Variants in IKZF3 observed in about 807,000 individuals in gnomAD.
The protein encoded by IKZF3 is IKAROS family zinc finger 3, also known as zinc finger protein Aiolos.
In IKZF3, 10 loss-of-function variants were observed where a neutral mutation model predicts 49.0. That is an observed-to-expected ratio of 0.20 (90% CI 0.13 to 0.35). IKZF3 has a LOEUF of 0.35. IKZF3 is among the 10% of genes least tolerant of loss of function. The pLI is 1.00. For missense variants in IKZF3, 498 were observed against 664.8 expected (o/e 0.75, Z 2.76); for synonymous variants, 209 against 228.2 (o/e 0.92, Z 0.76).
chr17:39,863,932 G>C (rs1246728795), intron 1 of IKZF3, among the ~76,000 whole-genome samples, 188 bp downstream of exon 1: 2 of 152,212 alleles, frequency 1.3e-5, no homozygotes, highest in African/African-American at 4.8e-5. Flanking sequence ...TTTCCAAAGG[G>C]CGGGGGAAGG....
rs780642029 is a variant in IKZF3, at chr17:39,766,099, G to A, written c.1221C>T (p.Val407=). 8 of 1,614,168 alleles carry A rather than the reference G, an allele frequency of 5.0e-6. No individual in the cohort carries two copies. Among genetic ancestry groups the A allele is most frequent in the Non-Finnish European group, 6.8e-6 (8 of 1,180,022 alleles). The stretch of plus-strand genomic sequence containing the variant: ...GCATCCCATTGCGGGCCCGAGACAG[G>A]ACCATGTGATTTTGCTGATAGATGT... ...QNHIYQQNHM[V]LSRARNGMPL... Residue 407 remains valine, a synonymous_variant, in exon 8 of 8, where the codon GTC becomes GTT. Coordinates refer to ENST00000346872, the MANE Select transcript of IKZF3 (RefSeq NM_012481.5).
intron 1 of IKZF3, among the ~76,000 whole-genome samples, chr17:39,851,936 T>C (rs1424184255): frequency 3.3e-5 from 5 of 151,986 alleles, no homozygotes; most frequent in African/African-American, 1.2e-4. Context: ...ATGATTTTGC[T>C]ACAGAATTTT....
At chr17:39,816,815 A>C (rs566556829) in intron 3 of IKZF3, among the ~76,000 whole-genome samples, 1 of 152,312 alleles carries the variant, frequency 6.6e-6, no homozygotes, top group East Asian at 1.9e-4. Context: ...CCAGGCTCAG[A>C]AGATTCTCCC....
intron 1 of IKZF3, among the ~76,000 whole-genome samples, chr17:39,842,750 T>C (rs2062515185): frequency 6.6e-6 from 1 of 152,196 alleles, no homozygotes; most frequent in Admixed American, 6.5e-5. Context: ...AGATGGGATA[T>C]TTATATAGTT....
rs951080377 is a variant in IKZF3, at chr17:39,766,550, T to C, written c.827-57A>G. On this transcript the variant is annotated intron_variant, in intron 7 of 7. Coordinates refer to ENST00000346872, the MANE Select transcript of IKZF3 (RefSeq NM_012481.5). ...GAACACTGCCAAGGCAGAGAGTTTG[T>C]AAATATTTTCTAGAGACCTCAAAAA... The C allele has an allele frequency of 1.7e-5, 24 of 1,438,464 alleles. No homozygotes were observed. In the South Asian group the frequency reaches 2.4e-4, roughly 14 times the overall value. 89.1% of individuals were successfully genotyped at this position (1,438,464 alleles called of 1,614,324 possible).
At chr17:39,804,048 T>C (rs1198710779) in intron 3 of IKZF3, among the ~76,000 whole-genome samples, 1 of 152,218 alleles carries the variant, frequency 6.6e-6, no homozygotes, top group Non-Finnish European at 1.5e-5. Context: ...TTAGTGTATT[T>C]ATCTCCCATA....
intron 3 of IKZF3, among the ~76,000 whole-genome samples, chr17:39,810,804 C>T (rs1217090475): frequency 6.6e-6 from 1 of 152,054 alleles, no homozygotes; most frequent in African/African-American, 2.4e-5. Context: ...TTTATTGGGA[C>T]TGTATCTCCT....
intron 3 of IKZF3, among the ~76,000 whole-genome samples, chr17:39,802,389 T>C (rs1042750539): frequency 2.6e-5 from 4 of 151,630 alleles, no homozygotes; most frequent in Non-Finnish European, 5.9e-5. Context: ...GGAGGATCGC[T>C]TGGGCCCAGA....
intron 1 of IKZF3, among the ~76,000 whole-genome samples, chr17:39,840,321 G>C (rs1486686233): frequency 6.6e-6 from 1 of 152,162 alleles, no homozygotes; most frequent in African/African-American, 2.4e-5. Flanking sequence ...TCAAAACTGT[G>C]GATTTTCTAT....
At chr17:39,854,075 G>A (rs560008428) in intron 1 of IKZF3, among the ~76,000 whole-genome samples, 2 of 152,254 alleles carry the variant, frequency 1.3e-5, no homozygotes, top group East Asian at 3.9e-4. Flanking sequence ...GCAGTGAGCC[G>A]AGATCACGCC....
At chr17:39,769,351 A>G (rs907122877) in intron 7 of IKZF3, among the ~76,000 whole-genome samples, 6 of 152,164 alleles carry the variant, frequency 3.9e-5, no homozygotes, top group Admixed American at 3.3e-4. Flanking sequence ...CCATGAGATG[A>G]ATTTGTCTTT....
intron 1 of IKZF3, among the ~76,000 whole-genome samples, chr17:39,832,687 C>A (rs2062147570): frequency 6.6e-6 from 1 of 151,854 alleles, no homozygotes; most frequent in African/African-American, 2.4e-5. Flanking sequence ...ACGTTGATCT[C>A]ATGGAGGTGG....
At chr17:39,818,052 G>A (rs1012661363) in intron 3 of IKZF3, among the ~76,000 whole-genome samples, 4 of 152,078 alleles carry the variant, frequency 2.6e-5, no homozygotes, top group Non-Finnish European at 2.9e-5. Context: ...TACAAACCTC[G>A]GGTATATGGT....
intron 3 of IKZF3, among the ~76,000 whole-genome samples, chr17:39,822,015 A>C (rs1428788225): frequency 6.6e-6 from 1 of 152,204 alleles, no homozygotes; most frequent in Non-Finnish European, 1.5e-5. Flanking sequence ...AGATGGCTAC[A>C]CATGATCCAG....
At chr17:39,841,519 C>T (rs9908694) in intron 1 of IKZF3, among the ~76,000 whole-genome samples, 14,117 of 152,004 alleles carry the variant, frequency 0.093, 1,352 homozygotes, top group African/African-American at 0.25. Flanking sequence ...GGCCACAGTA[C>T]GGGATTATCA....
At position 39,793,349 on chromosome 17, in the gene IKZF3, A is replaced by C. The variant is rs147348641; in HGVS notation, c.164-416T>G. ...TGTACTCTTAGGTTTCAAGGAGAAA[A>C]TATTGTTTGAATCCTTCAGATGCAT... On this transcript the variant is annotated intron_variant, in intron 3 of 7. Transcript: ENST00000346872. 5.2e-3 allele frequency among the ~76,000 whole-genome samples: 787 copies of C among 152,330 alleles called. 27 individuals carry two copies. The highest frequency in any genetic ancestry group is 0.046 in the Admixed American group (699 of 15,292).
At chr17:39,783,868 G>A (rs1272735516) in intron 6 of IKZF3, among the ~76,000 whole-genome samples, 1 of 152,206 alleles carries the variant, frequency 6.6e-6, no homozygotes, top group African/African-American at 2.4e-5. Flanking sequence ...GGCGGAGGTT[G>A]CGGTGAGCTG....
chr17:39,851,623 A>G lies in IKZF3; in HGVS notation c.7+12497T>C, dbSNP rs568339044. Among the ~76,000 whole-genome samples, 4 of 152,292 alleles carry G rather than the reference A, an allele frequency of 2.6e-5. No homozygotes were observed. In the East Asian group the frequency reaches 7.7e-4, roughly 29 times the overall value. ...AACAACAGGGAAACTATCTATGAGG[A>G]TACAAGTCTGAATAGTGATTAATTT... On this transcript the variant is annotated intron_variant, in intron 1 of 7. Transcript: ENST00000346872.
intron 7 of IKZF3, among the ~76,000 whole-genome samples, chr17:39,777,446 TC>T (rs2060618157): frequency 6.6e-6 from 1 of 152,218 alleles, no homozygotes; most frequent in Non-Finnish European, 1.5e-5. Context: ...TACTCCCATC[TC>T]CTGTCATGAT....
Sources: allele counts gnomAD v4.1 joint callset (sites outside exome capture counted in the v4.1 genomes callset), GRCh38; gene constraint gnomAD v4.1.1; transcripts MANE v1.5; gene names NCBI Gene and HGNC (gene_info 2026-07-23, HGNC 2026-07-21).